PTPN13: variants seen among roughly 807,000 people sequenced by gnomAD.
The protein encoded by PTPN13 is protein tyrosine phosphatase non-receptor type 13, also known as tyrosine-protein phosphatase non-receptor type 13.
PTPN13 carries 191 observed loss-of-function variants against 284.0 expected under a neutral mutation model. The observed-to-expected ratio is 0.67, with a 90% CI of 0.60 to 0.76. PTPN13 has a LOEUF of 0.76. Ranked by LOEUF, PTPN13 falls within the 30% of genes least tolerant of loss-of-function variation. The pLI is 0.00. For synonymous variants in PTPN13, 986 were observed against 1,022.3 expected (o/e 0.96, Z 0.68); for missense variants, 2,797 against 2,939.9 (o/e 0.95, Z 1.12).
At chr4:86,731,180 C>T (rs1475512856) in intron 10 of PTPN13, among the ~76,000 whole-genome samples, 1 of 152,178 alleles carries the variant, frequency 6.6e-6, no homozygotes, top group Non-Finnish European at 1.5e-5. Context: ...CAAGCACACA[C>T]CTACACATAC....
At chr4:86,808,022 G>A in intron 45 of PTPN13, 125 bp downstream of exon 45, 1 of 802,084 alleles carries the variant, frequency 1.2e-6, no homozygotes, top group Non-Finnish European at 1.9e-6. Flanking sequence ...TAGTTCCCAT[G>A]CAATGGAACT....
At chr4:86,735,469 CAG>C in intron 14 of PTPN13, 123 bp from the exon 15 acceptor site, 7 of 982,116 alleles carry the variant, frequency 7.1e-6, no homozygotes, top group African/African-American at 1.6e-5. Flanking sequence ...ACTCATTCCT[CAG>C]AGAGAGAGGT....
At chr4:86,687,273 C>T (rs1729557692) in intron 4 of PTPN13, among the ~76,000 whole-genome samples, 1 of 152,092 alleles carries the variant, frequency 6.6e-6, no homozygotes, top group Admixed American at 6.5e-5. Flanking sequence ...CTTCACGACC[C>T]CTGTAACAGC....
chr4:86,739,631 C>G (rs905511247), intron 15 of PTPN13, among the ~76,000 whole-genome samples: 1 of 152,154 alleles, frequency 6.6e-6, no homozygotes, highest in Non-Finnish European at 1.5e-5. Flanking sequence ...TGGCCCCTCC[C>G]AAATCTCATG....
chr4:86,668,097 G>A (rs895341440), intron 2 of PTPN13, among the ~76,000 whole-genome samples: 1 of 152,038 alleles, frequency 6.6e-6, no homozygotes, highest in Non-Finnish European at 1.5e-5. Flanking sequence ...ATTATGTTTA[G>A]CAACTTTTCT....
intron 2 of PTPN13, among the ~76,000 whole-genome samples, chr4:86,645,045 C>G (rs1006733168): frequency 3.9e-5 from 6 of 151,946 alleles, no homozygotes; most frequent in African/African-American, 1.5e-4. Flanking sequence ...CTCATCTCTA[C>G]AAAAAATACA....
intron 2 of PTPN13, among the ~76,000 whole-genome samples, chr4:86,662,914 C>T (rs1726673748): frequency 6.6e-6 from 1 of 152,124 alleles, no homozygotes; most frequent in Non-Finnish European, 1.5e-5. Flanking sequence ...TACTTGGAAG[C>T]AGAAGCAGGA....
rs150240314 is a variant in PTPN13, at chr4:86,613,790, T to A, written c.-6+19001T>A. 5.3e-5 allele frequency among the ~76,000 whole-genome samples: 8 copies of A among 152,292 alleles called. No homozygotes were observed. The East Asian group carries it at 1.5e-3, about 29-fold the overall frequency. ...GAATAAAGACATTTCCCCTCATTTA[T>A]CTTTTTGTTAGGAAGGAAAATCTTT... On this transcript the variant is annotated intron_variant, in intron 1 of 47. Transcript: ENST00000411767.
chr4:86,700,695 T>C (rs947079173), intron 6 of PTPN13, among the ~76,000 whole-genome samples: 1 of 152,222 alleles, frequency 6.6e-6, no homozygotes, highest in Non-Finnish European at 1.5e-5. Flanking sequence ...AAAACATGTC[T>C]AATTATAATA....
At chr4:86,723,484 A>G (rs971110563) in intron 10 of PTPN13, among the ~76,000 whole-genome samples, 2 of 152,180 alleles carry the variant, frequency 1.3e-5, no homozygotes, top group Non-Finnish European at 2.9e-5. Flanking sequence ...CTGTCTGTGG[A>G]AAAATTTTCT....
At chr4:86,713,162 A>G (rs137971242) in intron 7 of PTPN13, among the ~76,000 whole-genome samples, 5 of 152,240 alleles carry the variant, frequency 3.3e-5, no homozygotes, top group African/African-American at 1.2e-4. Context: ...TCTGTAAGGT[A>G]TTAAAACCAT....
At position 86,775,494 on chromosome 4, in the gene PTPN13, T is replaced by C; in HGVS notation, c.5733T>C (p.Ser1911=). 5.0e-6 allele frequency: 8 copies of C among 1,610,846 alleles called. No individual in the cohort carries two copies. Among genetic ancestry groups the C allele is most frequent in the Non-Finnish European group, 6.8e-6 (8 of 1,177,106 alleles). The change falls in exon 35 of 48, where the codon AGT becomes AGC. Residue 1911 remains serine, a synonymous_variant. Coordinates refer to ENST00000411767, the MANE Select transcript of PTPN13 (RefSeq NM_080683.3). Reference sequence around the variant, plus strand: ...GCCTTTATCAAGTGGTATATATTAGTGATATTAATCCAAGGTCCGTCGCAG... The same window carrying C: ...GCCTTTATCAAGTGGTATATATTAGCGATATTAATCCAAGGTCCGTCGCAG... ...HDSLYQVVYI[S]DINPRSVAAI... is the part of the protein sequence containing the mutation.
chr4:86,715,340 T>C (rs1452810050), intron 7 of PTPN13, among the ~76,000 whole-genome samples: 1 of 152,180 alleles, frequency 6.6e-6, no homozygotes, highest in East Asian at 1.9e-4. Context: ...TGTGTGTCTT[T>C]TATATATTGT....
chr4:86,699,694 G>A (rs985124914), intron 6 of PTPN13, among the ~76,000 whole-genome samples: 1 of 152,166 alleles, frequency 6.6e-6, no homozygotes, highest in Non-Finnish European at 1.5e-5. Context: ...AAGGTAGCAG[G>A]ATAAGGCAGA....
rs200125083 is a variant in PTPN13 at position 86,775,512 on chromosome 4, C to T, written c.5751C>T (p.Ser1917=). Residue 1917 remains serine (S), a synonymous_variant, in exon 35 of 48, where the codon TCC becomes TCT. Transcript: ENST00000411767. ...ATATTAGTGATATTAATCCAAGGTC[C>T]GTCGCAGCCATTGAGGGTAATCTCC... The part of the protein sequence containing the change: ...VVYISDINPR[S]VAAIEGNLQL... 16 of 1,612,286 alleles carry T rather than the reference C, an allele frequency of 9.9e-6. No individual in the cohort carries two copies. Among genetic ancestry groups the T allele is most frequent in the East Asian group, 8.9e-5 (4 of 44,846 alleles).
chr4:86,774,522 G>T lies in PTPN13; in HGVS notation c.5499G>T (p.Arg1833=). ...ATGGAAGGCTAAAACCTGGGGACCG[G>T]CTCATAAAGGTGAGACATTTAAGAG... The part of the protein sequence containing the change: ...KSDGRLKPGD[R]LIKVNDTDVT... Residue 1833 remains arginine, a synonymous_variant, in exon 33 of 48, where the codon CGG becomes CGT. Transcript: ENST00000411767. 2 of 1,596,618 alleles carry T rather than the reference G, an allele frequency of 1.3e-6. No individual in the cohort carries two copies. The highest frequency in any genetic ancestry group is 2.2e-5 in the East Asian group (1 of 44,544).
intron 32 of PTPN13, 65 bp downstream of exon 32, chr4:86,773,023 G>A: frequency 1.6e-6 from 2 of 1,244,476 alleles, no homozygotes; most frequent in Non-Finnish European, 2.1e-6. Flanking sequence ...TGTTCATAAA[G>A]TTTCCCTTTA....
intron 2 of PTPN13, among the ~76,000 whole-genome samples, chr4:86,658,967 G>T (rs1726168617): frequency 6.6e-6 from 1 of 152,032 alleles, no homozygotes; most frequent in Admixed American, 6.6e-5. Flanking sequence ...TAAAAATAAG[G>T]TCAGAATTTG....
intron 3 of PTPN13, among the ~76,000 whole-genome samples, chr4:86,673,905 C>T (rs770789603): frequency 6.6e-6 from 1 of 152,094 alleles, no homozygotes; most frequent in Non-Finnish European, 1.5e-5. Flanking sequence ...TGGGGTTTCA[C>T]CATGCTGGCT....
Sources: gnomAD v4.1 joint callset for allele counts (sites outside exome capture counted in the v4.1 genomes callset) on GRCh38, gnomAD v4.1.1 for gene constraint, MANE v1.5 for transcripts, NCBI Gene and HGNC (gene_info 2026-07-23, HGNC 2026-07-21) for gene names.